The following UMAD1 variants were observed in gnomAD, a reference collection of about 807,000 sequenced individuals.
UMAD1 encodes UBAP1-MVB12-associated (UMA) domain containing 1, also known as UBAP1-MVB12-associated (UMA)-domain containing protein 1.
A neutral mutation model predicts 6.1 loss-of-function variants in UMAD1; 8 were observed. The ratio of observed to expected loss-of-function variants is 1.30; its 90% CI spans 0.76 to 2.35. The LOEUF is 2.35. Ranked by LOEUF, UMAD1 falls within the 30% of genes most tolerant of loss-of-function variation. UMAD1 has a pLI of 0.00. For synonymous variants in UMAD1, 56 were observed against 31.4 expected, an observed-to-expected ratio of 1.78 and a Z score of -2.61; for missense variants, 130 against 78.4, an observed-to-expected ratio of 1.66 and a Z score of -2.49.
At chr7:7,651,344 G>T (rs1785219612) in intron 1 of UMAD1, among the ~76,000 whole-genome samples, 1 of 152,136 alleles carries the variant, frequency 6.6e-6, no homozygotes, top group Non-Finnish European at 1.5e-5. Flanking sequence ...CTGGGGTTTG[G>T]GGTTTATAAG....
At chr7:7,795,234 C>T (rs914394851) in intron 2 of UMAD1, among the ~76,000 whole-genome samples, 1 of 152,234 alleles carries the variant, frequency 6.6e-6, no homozygotes, top group Non-Finnish European at 1.5e-5. Context: ...CATGGACACA[C>T]ACATTGGATC....
intron 2 of UMAD1, among the ~76,000 whole-genome samples, chr7:7,790,455 A>G (rs1410687277): frequency 1.3e-5 from 2 of 152,196 alleles, no homozygotes; most frequent in East Asian, 3.8e-4. Context: ...AAATGTAGTA[A>G]AGGAGGGCAG....
chr7:7,815,082 T>C (rs1195272147), intron 3 of UMAD1, among the ~76,000 whole-genome samples: 2 of 152,126 alleles, frequency 1.3e-5, no homozygotes, highest in Non-Finnish European at 2.9e-5. Context: ...GTATAGAGGA[T>C]GTAGGACAAG....
chr7:7,852,679 G>C (rs1413216927), intron 3 of UMAD1, among the ~76,000 whole-genome samples: 1 of 152,144 alleles, frequency 6.6e-6, no homozygotes, highest in Non-Finnish European at 1.5e-5. Context: ...TGTTCCTGTG[G>C]AGCTGGCACG....
chr7:7,871,718 G>A (rs537736395), intron 3 of UMAD1, among the ~76,000 whole-genome samples: 1 of 151,960 alleles, frequency 6.6e-6, no homozygotes, highest in South Asian at 2.1e-4. Flanking sequence ...CCCCCTTCAG[G>A]TCAGATGGCA....
intron 2 of UMAD1, among the ~76,000 whole-genome samples, chr7:7,685,520 G>T (rs1237585166): frequency 1.3e-5 from 2 of 152,048 alleles, no homozygotes; most frequent in East Asian, 1.9e-4. Context: ...CTTTGGCCAG[G>T]ATGGTCTCCA....
At chr7:7,802,916 G>A (rs6975825) in intron 3 of UMAD1, among the ~76,000 whole-genome samples, 138,448 of 152,320 alleles carry the variant, frequency 0.91, 63,004 homozygotes, top group African/African-American at 0.95. Context: ...CAAATATTTT[G>A]CAATCAAGGA....
chr7:7,809,692 C>T (rs1464945744), intron 3 of UMAD1, among the ~76,000 whole-genome samples: 1 of 151,562 alleles, frequency 6.6e-6, no homozygotes, highest in Non-Finnish European at 1.5e-5. Context: ...CAGCATCTTC[C>T]CTTTCCCTAC....
intron 2 of UMAD1, among the ~76,000 whole-genome samples, chr7:7,700,775 C>T (rs963904446): frequency 6.6e-6 from 1 of 152,112 alleles, no homozygotes; most frequent in Non-Finnish European, 1.5e-5. Context: ...GTAATCAAAG[C>T]TACTCGGGAG....
chr7:7,874,435 G>A (rs964872422), intron 3 of UMAD1, among the ~76,000 whole-genome samples: 6 of 152,204 alleles, frequency 3.9e-5, no homozygotes, highest in Middle Eastern at 3.4e-3. Flanking sequence ...CATCTAACAT[G>A]CAACAATTTA....
At chr7:7,836,371 A>T (rs1193795521) in intron 3 of UMAD1, among the ~76,000 whole-genome samples, 2 of 152,062 alleles carry the variant, frequency 1.3e-5, no homozygotes, top group Non-Finnish European at 2.9e-5. Flanking sequence ...GCTCAAAATG[A>T]TCACTCTATG....
intron 3 of UMAD1, among the ~76,000 whole-genome samples, chr7:7,844,076 A>G (rs1001968074): frequency 2.0e-5 from 3 of 152,210 alleles, no homozygotes; most frequent in African/African-American, 7.2e-5. Context: ...TCCTAAATTC[A>G]TAGCCGCCTT....
At chr7:7,705,684 G>C (rs910927087) in intron 2 of UMAD1, among the ~76,000 whole-genome samples, 4 of 152,126 alleles carry the variant, frequency 2.6e-5, no homozygotes, top group African/African-American at 4.8e-5. Flanking sequence ...TTTTAGGGTA[G>C]TGAAACTACT....
chr7:7,689,773 A>G (rs1780130350), intron 2 of UMAD1, among the ~76,000 whole-genome samples: 1 of 152,224 alleles, frequency 6.6e-6, no homozygotes, highest in African/African-American at 2.4e-5. Context: ...TGTCAGAGTC[A>G]TAAGTAAACA....
intron 3 of UMAD1, among the ~76,000 whole-genome samples, chr7:7,874,400 A>G (rs1245972946): frequency 2.0e-5 from 3 of 152,198 alleles, no homozygotes; most frequent in Non-Finnish European, 2.9e-5. Flanking sequence ...CACCTTTCCA[A>G]CAATATGTTC....
At chr7:7,768,706 C>A (rs1413355542) in intron 2 of UMAD1, among the ~76,000 whole-genome samples, 1 of 152,126 alleles carries the variant, frequency 6.6e-6, no homozygotes, top group Non-Finnish European at 1.5e-5. Flanking sequence ...ATCCTCAGCA[C>A]TGAAAGTAGT....
chr7:7,820,927 A>G (rs1783228974), intron 3 of UMAD1, among the ~76,000 whole-genome samples: 1 of 152,226 alleles, frequency 6.6e-6, no homozygotes, highest in Non-Finnish European at 1.5e-5. Context: ...AGAAAAACTG[A>G]AACTCCTGAA....
At chr7:7,732,309 T>C (rs1781275527) in intron 2 of UMAD1, among the ~76,000 whole-genome samples, 1 of 152,022 alleles carries the variant, frequency 6.6e-6, no homozygotes, top group African/African-American at 2.4e-5. Context: ...ATAAATTCTG[T>C]GAAGTGAAAG....
intron 3 of UMAD1, among the ~76,000 whole-genome samples, chr7:7,876,681 A>G (rs1354983450): frequency 6.6e-6 from 1 of 152,264 alleles, no homozygotes; most frequent in African/African-American, 2.4e-5. Flanking sequence ...GGTATACATT[A>G]GAGATAAATT....
Sources: allele counts gnomAD v4.1 joint callset (sites outside exome capture counted in the v4.1 genomes callset), GRCh38; gene constraint gnomAD v4.1.1; transcripts MANE v1.5; gene names NCBI Gene and HGNC (gene_info 2026-07-23, HGNC 2026-07-21).